FYN: variants seen among roughly 807,000 people sequenced by gnomAD.
FYN encodes tyrosine-protein kinase Fyn.
Under a neutral mutation model 70.2 loss-of-function variants are expected in FYN, and 10 were observed. That is an observed-to-expected ratio of 0.14 (90% CI 0.09 to 0.24). FYN has a LOEUF of 0.24. Among genes scored for constraint, FYN ranks in the 10% least tolerant of loss-of-function variants. The pLI, the probability that FYN is intolerant of heterozygous loss-of-function variation, is 1.00. For synonymous variants in FYN, 236 were observed against 248.6 expected, an observed-to-expected ratio of 0.95 and a Z score of 0.48; for missense variants, 319 against 673.1, an observed-to-expected ratio of 0.47 and a Z score of 5.82.
chr6:111,769,290 T>C (rs191525620), intron 3 of FYN, among the ~76,000 whole-genome samples: 157 of 152,306 alleles, frequency 1.0e-3, no homozygotes, highest in African/African-American at 3.5e-3. Flanking sequence ...GGCCTCTAAT[T>C]AGTAATATGG....
chr6:111,673,453 CCT>C (rs1280327013), intron 13 of FYN, among the ~76,000 whole-genome samples: 1 of 152,010 alleles, frequency 6.6e-6, no homozygotes, highest in African/African-American at 2.4e-5. Flanking sequence ...TTGATGTGCC[CCT>C]CTCTGTGTTC....
intron 2 of FYN, among the ~76,000 whole-genome samples, chr6:111,811,436 T>A (rs1190121689): frequency 6.6e-6 from 1 of 152,236 alleles, no homozygotes; most frequent in Non-Finnish European, 1.5e-5. Context: ...GTCAAATGGC[T>A]TCTGTGTTCC....
chr6:111,842,050 A>G (rs1773376894), intron 2 of FYN, among the ~76,000 whole-genome samples: 1 of 151,948 alleles, frequency 6.6e-6, no homozygotes, highest in Admixed American at 6.5e-5. Flanking sequence ...CCCTGCCCGC[A>G]AGTCAAAGCC....
chr6:111,680,792 A>C (rs1265230307), intron 12 of FYN, among the ~76,000 whole-genome samples: 1 of 152,196 alleles, frequency 6.6e-6, no homozygotes. Context: ...TCGGTAACAA[A>C]GCAGTAAAAC....
intron 13 of FYN, among the ~76,000 whole-genome samples, chr6:111,667,398 T>C (rs1368859170): frequency 3.3e-5 from 5 of 152,060 alleles, no homozygotes; most frequent in Non-Finnish European, 5.9e-5. Flanking sequence ...TGCACCACCA[T>C]GCCTGGCTGA....
chr6:111,815,728 C>CT lies in FYN; in HGVS notation c.-82+30860dup, dbSNP rs1195971993. ...TGAGTACTTCTTTTTTTTTTTTTTT[C>CT]TTTTTTTTGAGACAGAGTCTCTCTC... is the stretch of plus-strand genomic sequence containing the variant. On this transcript the variant is annotated intron_variant, in intron 2 of 13. Transcript: ENST00000354650. Among the ~76,000 whole-genome samples the CT allele has an allele frequency of 5.5e-5, 6 of 109,940 alleles. No homozygotes were observed. In the South Asian group the frequency reaches 9.0e-4, roughly 16 times the overall value. 72.1% of individuals were successfully genotyped at this position (109,940 alleles called of 152,430 possible).
At chr6:111,705,994 A>C (rs114857055) in intron 6 of FYN, among the ~76,000 whole-genome samples, 2 of 152,142 alleles carry the variant, frequency 1.3e-5, no homozygotes, top group African/African-American at 4.8e-5. Flanking sequence ...GTTACTGTAC[A>C]CCTTTGAGAT....
intron 6 of FYN, 65 bp downstream of exon 6, chr6:111,707,857 G>A: frequency 8.0e-7 from 1 of 1,248,176 alleles, no homozygotes; most frequent in Non-Finnish European, 1.2e-6. Flanking sequence ...CAATGCTGAT[G>A]GCATTTTATT....
rs536151477 is a variant in FYN at position 111,802,952 on chromosome 6, G to A, written c.-81-22317C>T. Reference sequence around the variant, plus strand: ...TTCTCAATCATACATGATTTTCTTGGCTAGGAAATCGTATAATCTGGGACC... The same window carrying A: ...TTCTCAATCATACATGATTTTCTTGACTAGGAAATCGTATAATCTGGGACC... On this transcript the variant is annotated intron_variant, in intron 2 of 13. Transcript: ENST00000354650. 4.5e-4 allele frequency among the ~76,000 whole-genome samples: 69 copies of A among 152,268 alleles called. No homozygotes were observed. The South Asian group carries it at 0.013, about 29-fold the overall frequency.
chr6:111,720,605 G>C (rs1268049867), intron 3 of FYN, among the ~76,000 whole-genome samples: 1 of 152,102 alleles, frequency 6.6e-6, no homozygotes, highest in Non-Finnish European at 1.5e-5. Flanking sequence ...TCAATTTTAA[G>C]CACTAAGATG....
At chr6:111,758,573 C>A (rs1329651541) in intron 3 of FYN, among the ~76,000 whole-genome samples, 1 of 152,218 alleles carries the variant, frequency 6.6e-6, no homozygotes, top group African/African-American at 2.4e-5. Context: ...AAATACCCAA[C>A]AAAAGCCAAG....
chr6:111,721,349 C>T (rs1562490660), intron 3 of FYN, among the ~76,000 whole-genome samples: 2 of 152,218 alleles, frequency 1.3e-5, no homozygotes, highest in African/African-American at 2.4e-5. Context: ...TTGCCAGTGC[C>T]TGGAACAATA....
At chr6:111,844,373 T>C (rs9487735) in intron 2 of FYN, among the ~76,000 whole-genome samples, 18,158 of 152,220 alleles carry the variant, frequency 0.12, 1,826 homozygotes, top group African/African-American at 0.28. Context: ...ACAGGTATCA[T>C]TTACTTATAC....
At chr6:111,746,879 C>T (rs779721850) in intron 3 of FYN, among the ~76,000 whole-genome samples, 18 of 150,532 alleles carry the variant, frequency 1.2e-4, no homozygotes, top group Non-Finnish European at 2.2e-4. Flanking sequence ...GAATGAGAGA[C>T]AGAGAGAGAG....
chr6:111,796,553 C>T (rs531738694), intron 2 of FYN, among the ~76,000 whole-genome samples: 32 of 152,260 alleles, frequency 2.1e-4, no homozygotes, highest in African/African-American at 7.5e-4. Flanking sequence ...GTATCCCTGT[C>T]CTGAAGCAAC....
At chr6:111,748,253 C>T (rs1802317339) in intron 3 of FYN, among the ~76,000 whole-genome samples, 1 of 152,202 alleles carries the variant, frequency 6.6e-6, no homozygotes, top group Non-Finnish European at 1.5e-5. Context: ...TAGCACAAGA[C>T]ATCTCATAAA....
At chr6:111,870,936 A>G (rs1224894902) in intron 1 of FYN, among the ~76,000 whole-genome samples, 1 of 152,120 alleles carries the variant, frequency 6.6e-6, no homozygotes, top group African/African-American at 2.4e-5. Flanking sequence ...TTTACAGTAC[A>G]CTCATTAACC....
chr6:111,796,829 C>T (rs1173823043), intron 2 of FYN, among the ~76,000 whole-genome samples: 1 of 152,096 alleles, frequency 6.6e-6, no homozygotes, highest in East Asian at 1.9e-4. Flanking sequence ...AATGAAATTG[C>T]AGAAATTGTA....
intron 3 of FYN, among the ~76,000 whole-genome samples, chr6:111,738,005 T>A (rs1801783341): frequency 6.6e-6 from 1 of 152,218 alleles, no homozygotes. Flanking sequence ...AAACTCTCAC[T>A]CATTTTCAAC....
Sources: gnomAD v4.1 joint callset for allele counts (sites outside exome capture counted in the v4.1 genomes callset) on GRCh38, gnomAD v4.1.1 for gene constraint, MANE v1.5 for transcripts, NCBI Gene and HGNC (gene_info 2026-07-23, HGNC 2026-07-21) for gene names.